Variants in SLC7A5 observed in about 807,000 individuals in gnomAD.
SLC7A5 encodes large neutral amino acids transporter small subunit 1.
SLC7A5 carries 23 observed loss-of-function variants against 50.2 expected under a neutral mutation model. The ratio of observed to expected loss-of-function variants is 0.46; its 90% CI spans 0.33 to 0.65. SLC7A5 has a LOEUF of 0.65. SLC7A5 is among the 30% of genes least tolerant of loss of function. The pLI is 0.02. For missense variants in SLC7A5, 578 were observed against 684.4 expected (o/e 0.84, Z 1.73); for synonymous variants, 393 against 330.6 (o/e 1.19, Z -2.05).
intron 8 of SLC7A5, among the ~76,000 whole-genome samples, chr16:87,835,513 G>A (rs996903716): frequency 1.2e-4 from 19 of 152,196 alleles, no homozygotes; most frequent in African/African-American, 3.9e-4. Flanking sequence ...TGTTTGAGAC[G>A]GAGTCTCACT....
rs1337031511 is a variant in SLC7A5 at position 87,861,558 on chromosome 16, A to C, written c.538+7327T>G. ...CACTGGCTTCAAAGGCTGGAGTGCA[A>C]AGTGGTGGCCAAGAGGTGGCCAAGA... is the stretch of plus-strand genomic sequence containing the variant. On this transcript the variant is annotated intron_variant, in intron 1 of 9. Transcript: ENST00000261622. This position sits in a 1 kb window ranked among gnomAD's most constrained non-coding sequence, Gnocchi z 4.2. Among the ~76,000 whole-genome samples the C allele has an allele frequency of 6.6e-6, 1 of 152,104 alleles. No homozygotes were observed. Among genetic ancestry groups the C allele is most frequent in the African/African-American group, 2.4e-5 (1 of 41,412 alleles).
chr16:87,842,540 G>A (rs1426531990), intron 2 of SLC7A5, among the ~76,000 whole-genome samples: 1 of 152,244 alleles, frequency 6.6e-6, no homozygotes, highest in Non-Finnish European at 1.5e-5. Context: ...CCTTCCTGAT[G>A]GGTGGACCCA....
At chr16:87,842,969 T>C (rs570281694) in intron 2 of SLC7A5, among the ~76,000 whole-genome samples, 1 of 152,300 alleles carries the variant, frequency 6.6e-6, no homozygotes, top group Non-Finnish European at 1.5e-5. Context: ...CTCGCCCACT[T>C]ACTTCTGCTG....
intron 2 of SLC7A5, among the ~76,000 whole-genome samples, chr16:87,848,898 C>T (rs1232047853): frequency 1.0e-5 from 1 of 100,096 alleles, no homozygotes; most frequent in East Asian, 2.2e-4. Flanking sequence ...TACAAACTTC[C>T]CTGACGAGGA....
chr16:87,855,105 C>G (rs2055298709), intron 1 of SLC7A5, among the ~76,000 whole-genome samples: 1 of 152,246 alleles, frequency 6.6e-6, no homozygotes, highest in Non-Finnish European at 1.5e-5. Context: ...CTTCAGATAC[C>G]CTGAGGCTCA....
rs2055402138 is a variant in SLC7A5, at chr16:87,861,804, G to C, written c.538+7081C>G. ...TCACAAGTGCCCGTTAGGCTCTCCTGTGTGGCTCAGGTCATGTGCTTCTGT... is the reference window on the plus strand; with the variant it reads ...TCACAAGTGCCCGTTAGGCTCTCCTCTGTGGCTCAGGTCATGTGCTTCTGT... On this transcript the variant is annotated intron_variant, in intron 1 of 9. Transcript: ENST00000261622. The surrounding 1 kb of genome is among the most constrained non-coding windows in gnomAD (Gnocchi z 4.2). Among the ~76,000 whole-genome samples, 1 of 152,246 alleles carries C rather than the reference G, an allele frequency of 6.6e-6. No individual in the cohort carries two copies. The highest frequency in any genetic ancestry group is 1.5e-5 in the Non-Finnish European group (1 of 68,038).
chr16:87,839,269 G>T (rs2055053120), intron 5 of SLC7A5, among the ~76,000 whole-genome samples: 1 of 152,202 alleles, frequency 6.6e-6, no homozygotes, highest in Admixed American at 6.5e-5. Flanking sequence ...CAGCCTGGCT[G>T]AGCTGCCCGG....
chr16:87,854,550 G>T (rs559341864), intron 1 of SLC7A5, among the ~76,000 whole-genome samples: 107 of 152,352 alleles, frequency 7.0e-4, no homozygotes, highest in African/African-American at 2.4e-3. Flanking sequence ...CACCATGGAG[G>T]GGCTGCTGGC....
rs1412745272 is a variant in SLC7A5 at position 87,833,735 on chromosome 16, G to A, written c.1468+679C>T. Among the ~76,000 whole-genome samples the A allele has an allele frequency of 2.6e-5, 4 of 152,080 alleles. No homozygotes were observed. The highest frequency in any genetic ancestry group is 1.3e-4 in the Admixed American group (2 of 15,272). On this transcript the variant is annotated intron_variant, in intron 9 of 9. Coordinates refer to ENST00000261622, the MANE Select transcript of SLC7A5 (RefSeq NM_003486.7). The surrounding 1 kb of genome is among the most constrained non-coding windows in gnomAD (Gnocchi z 6.0). Reference sequence around the variant, plus strand: ...CAGCATGTAGGCCCGCAAGCACCCCGGCCTTTTTCTACGAGCCTGGCCACA... The same window carrying A: ...CAGCATGTAGGCCCGCAAGCACCCCAGCCTTTTTCTACGAGCCTGGCCACA...
chr16:87,869,407 G>C lies in SLC7A5; in HGVS notation c.16C>G (p.Pro6Ala), dbSNP rs1023467845. 8.0e-6 allele frequency: 12 copies of C among 1,500,432 alleles called. No homozygotes were observed. Among genetic ancestry groups the C allele is most frequent in the Middle Eastern group, 2.4e-4 (1 of 4,194 alleles). 92.9% of individuals were successfully genotyped at this position (1,500,432 alleles called of 1,614,324 possible). ...GGCGCCGCTAGCGCGCGCCGCTTCG[G>C]GCCCGCACCCGCCATGCTCTGCGCA... MAGAG[P>A]KRRALAAPAA... The change falls in exon 1 of 10, where the codon CCG (proline) becomes GCG (alanine). Residue 6 changes from proline (P) to alanine (A), a missense_variant. Pro to Ala is a conservative substitution (Grantham distance 27). Around this residue, in one of 2 missense-constraint regions of SLC7A5, gnomAD observed 113 missense variants for 89.8 expected, o/e 1.26. Coordinates refer to ENST00000261622, the MANE Select transcript of SLC7A5 (RefSeq NM_003486.7).
At chr16:87,846,657 G>A (rs1054703722) in intron 2 of SLC7A5, among the ~76,000 whole-genome samples, 3 of 152,160 alleles carry the variant, frequency 2.0e-5, no homozygotes, top group African/African-American at 7.2e-5. Flanking sequence ...CGAGCACCCC[G>A]CCCAGGGCAT....
intron 1 of SLC7A5, 147 bp downstream of exon 1, chr16:87,868,738 T>C: frequency 3.7e-6 from 3 of 821,050 alleles, no homozygotes; most frequent in Non-Finnish European, 6.0e-6. Flanking sequence ...ACGTGGTTTC[T>C]GGGACCAATG....
chr16:87,841,178 T>G lies in SLC7A5; in HGVS notation c.665-23A>C. On this transcript the variant is annotated intron_variant, in intron 2 of 9. Transcript: ENST00000261622. The surrounding 1 kb of genome is among the most constrained non-coding windows in gnomAD (Gnocchi z 4.8). ...CACCTGGCAGGGCCAAAGAAAGGAA[T>G]GCTGGGTTAGAGAGCGCTGAACAGA... is the stretch of plus-strand genomic sequence containing the variant. 6.6e-7 allele frequency: 1 copy of G among 1,521,468 alleles called. No homozygotes were observed. The allele number at this position is 1,521,468 out of a possible 1,614,324, so 94.2% of individuals were successfully genotyped here.
chr16:87,852,264 G>GACCCACGCA lies in SLC7A5; in HGVS notation c.539-424_539-416dup, dbSNP rs1162585599. 6.6e-6 allele frequency among the ~76,000 whole-genome samples: 1 copy of GACCCACGCA among 152,168 alleles called. No homozygotes were observed. The highest frequency in any genetic ancestry group is 1.9e-4 in the East Asian group (1 of 5,186). The stretch of plus-strand genomic sequence containing the variant: ...ACTCAGCACCCTGACCTGACTGTGA[G>GACCCACGCA]ACCCACGCACAGCCCGACTGCCGGA... On this transcript the variant is annotated intron_variant, in intron 1 of 9. Coordinates refer to ENST00000261622, the MANE Select transcript of SLC7A5 (RefSeq NM_003486.7). The surrounding 1 kb of genome is among the most constrained non-coding windows in gnomAD (Gnocchi z 4.5).
In SLC7A5 at chr16:87,862,859, T is replaced by A. The variant is rs2055416098; in HGVS notation, c.538+6026A>T. 6.6e-6 allele frequency among the ~76,000 whole-genome samples: 1 copy of A among 152,198 alleles called. No homozygotes were observed. The highest frequency in any genetic ancestry group is 2.4e-5 in the African/African-American group (1 of 41,456). ...CTCAGCTCACAGGTTCCTAAACGCA[T>A]ACCCGCCCACACCAATCTGCTGAGG... On this transcript the variant is annotated intron_variant, in intron 1 of 9. Transcript: ENST00000261622. The surrounding 1 kb of genome is among the most constrained non-coding windows in gnomAD (Gnocchi z 5.3).
chr16:87,833,374 C>T lies in SLC7A5; in HGVS notation c.1469-349G>A, dbSNP rs1397898240. The stretch of plus-strand genomic sequence containing the variant: ...GACAGGCCTTCCTGCAGGTCCACAC[C>T]CGGGCCACCACCTGGACACATGCCT... On this transcript the variant is annotated intron_variant, in intron 9 of 9. Coordinates refer to ENST00000261622, the MANE Select transcript of SLC7A5 (RefSeq NM_003486.7). This position sits in a 1 kb window ranked among gnomAD's most constrained non-coding sequence, Gnocchi z 6.0. Among the ~76,000 whole-genome samples the T allele has an allele frequency of 6.6e-6, 1 of 152,236 alleles. No individual in the cohort carries two copies. Among genetic ancestry groups the T allele is most frequent in the East Asian group, 1.9e-4 (1 of 5,194 alleles).
rs745925853 is a variant in SLC7A5, at chr16:87,838,843, G to C, written c.940-26C>G. On this transcript the variant is annotated intron_variant, in intron 5 of 9. Transcript: ENST00000261622. The stretch of plus-strand genomic sequence containing the variant: ...CTAGGCAGGCACAACCAGTGAGCTG[G>C]GCCCCACCGGGCCGGCCCTCGCCCT... 10 of 1,568,868 alleles carry C rather than the reference G, an allele frequency of 6.4e-6. No individual in the cohort carries two copies. In the East Asian group the frequency reaches 2.2e-4, roughly 35 times the overall value.
chr16:87,849,645 C>T (rs75063105), intron 2 of SLC7A5, among the ~76,000 whole-genome samples: 2,963 of 152,232 alleles, frequency 0.019, 118 homozygotes, highest in African/African-American at 0.067. Context: ...CGTAAAATGT[C>T]ACTCAGGCCC....
intron 1 of SLC7A5, among the ~76,000 whole-genome samples, chr16:87,864,185 G>A (rs1331724159): frequency 2.9e-4 from 44 of 151,024 alleles, no homozygotes; most frequent in Admixed American, 2.0e-3. Context: ...CCAGCTACTC[G>A]GGAGGCTGAG....
Sources: gnomAD v4.1 joint callset for allele counts (sites outside exome capture counted in the v4.1 genomes callset) on GRCh38, gnomAD v4.1.1 for gene constraint, gnomAD v4.1.1 regional missense constraint, Gnocchi (gnomAD v3.1) non-coding constraint, MANE v1.5 for transcripts, NCBI Gene and HGNC (gene_info 2026-07-23, HGNC 2026-07-21) for gene names.